Variants in CNBD1 observed in about 807,000 individuals in gnomAD.
CNBD1 encodes cyclic nucleotide binding domain containing 1.
A neutral mutation model predicts 54.4 loss-of-function variants in CNBD1; 71 were observed. The ratio of observed to expected loss-of-function variants is 1.30; its 90% CI spans 1.08 to 1.59. The LOEUF is 1.59. Among genes scored for constraint, CNBD1 ranks in the 40% most tolerant of loss-of-function variants. CNBD1 has a pLI of 0.00. For synonymous variants in CNBD1, 182 were observed against 170.7 expected (o/e 1.07, Z -0.51); for missense variants, 659 against 518.0 (o/e 1.27, Z -2.64).
At chr8:87,341,915 T>G (rs1810072209) in intron 8 of CNBD1, among the ~76,000 whole-genome samples, 1 of 152,178 alleles carries the variant, frequency 6.6e-6, no homozygotes, top group Admixed American at 6.5e-5. Flanking sequence ...TAAGAATCTA[T>G]GTGGTGGTTT....
intron 8 of CNBD1, among the ~76,000 whole-genome samples, chr8:87,338,055 T>C (rs78968905): frequency 0.035 from 5,303 of 152,286 alleles, 300 homozygotes; most frequent in African/African-American, 0.12. Flanking sequence ...GCATATCAGG[T>C]GTACTTAAAA....
chr8:86,989,706 C>T (rs959434407), intron 4 of CNBD1, among the ~76,000 whole-genome samples: 2 of 152,184 alleles, frequency 1.3e-5, no homozygotes, highest in African/African-American at 4.8e-5. Flanking sequence ...CCACCTCGGC[C>T]TCCCAAAGTG....
intron 6 of CNBD1, among the ~76,000 whole-genome samples, chr8:87,243,246 A>G (rs2130831842): frequency 6.6e-6 from 1 of 152,348 alleles, no homozygotes; most frequent in African/African-American, 2.4e-5. Context: ...AAGAAAGAAT[A>G]TCTCATTTCG....
chr8:87,335,147 G>A (rs1326482173), intron 8 of CNBD1, among the ~76,000 whole-genome samples: 2 of 152,174 alleles, frequency 1.3e-5, no homozygotes, highest in African/African-American at 2.4e-5. Flanking sequence ...TTTAGAGTAA[G>A]TGTCATGTGG....
At chr8:87,003,626 T>G (rs980513075) in intron 4 of CNBD1, among the ~76,000 whole-genome samples, 1 of 152,190 alleles carries the variant, frequency 6.6e-6, no homozygotes, top group South Asian at 2.1e-4. Flanking sequence ...TTATTTTATT[T>G]TTTTTAAAGA....
chr8:87,286,978 A>G (rs1003078451), intron 8 of CNBD1, among the ~76,000 whole-genome samples: 3 of 152,106 alleles, frequency 2.0e-5, no homozygotes, highest in African/African-American at 7.2e-5. Flanking sequence ...AAGGATAAAT[A>G]CTAGAGGGTA....
chr8:87,051,325 C>G (rs966030742), intron 4 of CNBD1, among the ~76,000 whole-genome samples: 1 of 152,248 alleles, frequency 6.6e-6, no homozygotes, highest in South Asian at 2.1e-4. Context: ...CCAGAATCAC[C>G]CAGGGCTCCT....
At chr8:87,086,212 C>G (rs1011004228) in intron 4 of CNBD1, among the ~76,000 whole-genome samples, 1 of 152,104 alleles carries the variant, frequency 6.6e-6, no homozygotes. Flanking sequence ...TTCAATAATA[C>G]TTTTTAGCTG....
At chr8:87,286,504 G>A (rs1157768778) in intron 7 of CNBD1, 35 bp from the exon 8 acceptor site, 1 of 1,225,024 alleles carries the variant, frequency 8.2e-7, no homozygotes. Context: ...TAAATTGCCT[G>A]TTATTAAAAA....
chr8:87,192,792 A>G (rs1213723975), intron 4 of CNBD1, among the ~76,000 whole-genome samples: 1 of 152,146 alleles, frequency 6.6e-6, no homozygotes, highest in Non-Finnish European at 1.5e-5. Context: ...CTACCTGTCC[A>G]TTCTTTTAAC....
intron 6 of CNBD1, among the ~76,000 whole-genome samples, chr8:87,278,306 G>T (rs1230598781): frequency 6.6e-6 from 1 of 151,466 alleles, no homozygotes; most frequent in Non-Finnish European, 1.5e-5. Flanking sequence ...ATTTTTTTCT[G>T]ACTGTGGAAA....
intron 4 of CNBD1, among the ~76,000 whole-genome samples, chr8:87,167,053 G>C (rs1168358208): frequency 6.6e-6 from 1 of 151,768 alleles, no homozygotes; most frequent in Non-Finnish European, 1.5e-5. Flanking sequence ...GCAAAAGAAA[G>C]TAAAAAATAC....
intron 4 of CNBD1, among the ~76,000 whole-genome samples, chr8:87,011,513 G>A (rs1012288938): frequency 6.6e-6 from 1 of 152,006 alleles, no homozygotes; most frequent in Non-Finnish European, 1.5e-5. Context: ...TGTTTTGGAG[G>A]TAGGGGTGTG....
chr8:87,352,469 A>T (rs1810320977), intron 9 of CNBD1, among the ~76,000 whole-genome samples: 1 of 105,592 alleles, frequency 9.5e-6, no homozygotes, highest in South Asian at 2.9e-4. Context: ...ACAGAGCAAG[A>T]CTCTGTCTCA....
intron 8 of CNBD1, among the ~76,000 whole-genome samples, chr8:87,334,784 C>T (rs777148246): frequency 1.6e-4 from 24 of 148,920 alleles, no homozygotes; most frequent in South Asian, 4.2e-4. Context: ...AGTGCAGTGG[C>T]GCAATCTCAG....
At chr8:87,064,111 G>T (rs1340066279) in intron 4 of CNBD1, among the ~76,000 whole-genome samples, 2 of 151,744 alleles carry the variant, frequency 1.3e-5, no homozygotes, top group Non-Finnish European at 2.9e-5. Context: ...TACTACACTG[G>T]CTTCTACCTT....
At chr8:87,422,859 T>C (rs1394568466) in intron 2 of CNBD1, among the ~76,000 whole-genome samples, 1 of 152,190 alleles carries the variant, frequency 6.6e-6, no homozygotes, top group African/African-American at 2.4e-5. Context: ...GTAAATTACC[T>C]TGGGCAGTAT....
intron 2 of CNBD1, among the ~76,000 whole-genome samples, chr8:87,423,519 A>C (rs1315989141): frequency 6.6e-6 from 1 of 151,468 alleles, no homozygotes; most frequent in African/African-American, 2.5e-5. Context: ...CCTTTTCTGC[A>C]TCTATTGAGA....
At chr8:87,046,042 TAAAA>T (rs58214390) in intron 4 of CNBD1, among the ~76,000 whole-genome samples, 5 of 71,636 alleles carry the variant, frequency 7.0e-5, no homozygotes, top group African/African-American at 2.7e-4. Flanking sequence ...CTTCCTCTCA[TAAAA>T]AAAAAAAAAA....
Sources: allele counts gnomAD v4.1 joint callset (sites outside exome capture counted in the v4.1 genomes callset), GRCh38; gene constraint gnomAD v4.1.1; transcripts MANE v1.5; gene names NCBI Gene and HGNC (gene_info 2026-07-23, HGNC 2026-07-21).